Variants in MBTD1 observed in about 807,000 individuals in gnomAD.
MBTD1 encodes the protein MBT domain-containing protein 1.
In MBTD1, 24 loss-of-function variants were observed where a neutral mutation model predicts 87.8. The observed-to-expected ratio is 0.27, with a 90% CI of 0.20 to 0.38. MBTD1 has a LOEUF of 0.38. MBTD1 is among the 10% of genes least tolerant of loss of function. MBTD1 has a pLI of 1.00. For synonymous variants in MBTD1, 237 were observed against 248.6 expected, an observed-to-expected ratio of 0.95 and a Z score of 0.44; for missense variants, 436 against 760.2, an observed-to-expected ratio of 0.57 and a Z score of 5.02.
intron 15 of MBTD1, 199 bp from the exon 16 acceptor site, chr17:51,192,479 TTTA>T (rs2050860101): frequency 1.6e-6 from 1 of 630,264 alleles, no homozygotes; most frequent in South Asian, 2.2e-5. Context: ...CTCAAAAGCA[TTTA>T]TTACCTACCA....
At chr17:51,207,904 C>T (rs2051941177) in intron 6 of MBTD1, among the ~76,000 whole-genome samples, 1 of 152,150 alleles carries the variant, frequency 6.6e-6, no homozygotes, top group Admixed American at 6.6e-5. Flanking sequence ...TTGCTCTGGA[C>T]AGTCAGTTCC....
chr17:51,229,030 A>G (rs1425694584), intron 2 of MBTD1, among the ~76,000 whole-genome samples: 2 of 151,856 alleles, frequency 1.3e-5, no homozygotes, highest in Non-Finnish European at 2.9e-5. Context: ...AAAAAACAAG[A>G]AAAAGAAAAA....
chr17:51,178,570 T>C lies in MBTD1; in HGVS notation c.*2006A>G, dbSNP rs1306820083. 1.3e-5 allele frequency: 2 copies of C among 152,186 alleles called. No individual in the cohort carries two copies. The highest frequency in any genetic ancestry group is 4.8e-5 in the African/African-American group (2 of 41,432). 9.4% of individuals were successfully genotyped at this position (152,186 alleles called of 1,614,324 possible). A position where few individuals can be genotyped will look rare whatever the true frequency, so the allele number is the denominator to read the frequency against. On this transcript the variant is annotated 3_prime_UTR_variant, in exon 17 of 17. Coordinates refer to ENST00000586178, the MANE Select transcript of MBTD1 (RefSeq NM_017643.3). ...GCTTCTTGTGCCTGTGCTGTGGAAT[T>C]AGTCCTGGGTTTAATTCAGTGAGCC...
chr17:51,210,177 T>C (rs1016560295), intron 6 of MBTD1, among the ~76,000 whole-genome samples: 1 of 152,024 alleles, frequency 6.6e-6, no homozygotes, highest in African/African-American at 2.4e-5. Flanking sequence ...AATTTTTGTA[T>C]TTTTAGTTTT....
chr17:51,252,796 G>A (rs2054868472), intron 2 of MBTD1, among the ~76,000 whole-genome samples: 1 of 151,916 alleles, frequency 6.6e-6, no homozygotes, highest in Non-Finnish European at 1.5e-5. Context: ...GATGACTAAG[G>A]TCTTGAATGT....
At chr17:51,247,510 G>C (rs190314919) in intron 2 of MBTD1, among the ~76,000 whole-genome samples, 3 of 147,332 alleles carry the variant, frequency 2.0e-5, no homozygotes, top group Non-Finnish European at 3.0e-5. Flanking sequence ...GCAGCAGCAC[G>C]ATCTTGGCTC....
chr17:51,243,498 A>T (rs1238481408), intron 2 of MBTD1, among the ~76,000 whole-genome samples: 1 of 152,214 alleles, frequency 6.6e-6, no homozygotes, highest in Non-Finnish European at 1.5e-5. Flanking sequence ...TTTCCTTGGA[A>T]TAAAAACATT....
upstream of MBTD1, chr17:51,260,818 G>A (rs1328610820): frequency 3.1e-6 from 5 of 1,592,568 alleles, no homozygotes; most frequent in African/African-American, 2.7e-5. Flanking sequence ...GGAACCGCCT[G>A]AGGCTGGAGG....
At chr17:51,208,371 AAAAT>A (rs1363596919) in intron 6 of MBTD1, among the ~76,000 whole-genome samples, 1 of 152,196 alleles carries the variant, frequency 6.6e-6, no homozygotes, top group East Asian at 1.9e-4. Context: ...ACTTGTGCAA[AAAAT>A]AATATATTCA....
chr17:51,195,598 G>A (rs987592660), intron 12 of MBTD1, among the ~76,000 whole-genome samples: 4 of 152,178 alleles, frequency 2.6e-5, no homozygotes, highest in Admixed American at 1.3e-4. Flanking sequence ...AGAGGTCTGG[G>A]AAAAGCAGTG....
chr17:51,254,059 G>A (rs921855833), intron 2 of MBTD1, among the ~76,000 whole-genome samples: 6 of 152,168 alleles, frequency 3.9e-5, no homozygotes, highest in Admixed American at 6.5e-5. Context: ...CCCACTGGGA[G>A]CAGTGGCTCA....
At chr17:51,259,615 G>A (rs536523062) in intron 1 of MBTD1, among the ~76,000 whole-genome samples, 2 of 150,160 alleles carry the variant, frequency 1.3e-5, no homozygotes, top group Admixed American at 1.3e-4. Context: ...AGGAGATGGA[G>A]AGAACCCCAA....
At chr17:51,205,373 A>C (rs1021720429) in intron 7 of MBTD1, among the ~76,000 whole-genome samples, 13 of 152,228 alleles carry the variant, frequency 8.5e-5, no homozygotes, top group Non-Finnish European at 1.8e-4. Context: ...CGGAGATGGA[A>C]GGCAGAAGTA....
At chr17:51,239,739 A>C (rs138945446) in intron 2 of MBTD1, among the ~76,000 whole-genome samples, 176 of 152,260 alleles carry the variant, frequency 1.2e-3, no homozygotes, top group African/African-American at 3.9e-3. Context: ...GGCATTGCCA[A>C]ATGTCCCCTG....
chr17:51,202,447 G>A (rs1447744692), intron 10 of MBTD1, among the ~76,000 whole-genome samples: 4 of 152,114 alleles, frequency 2.6e-5, no homozygotes, highest in Non-Finnish European at 5.9e-5. Flanking sequence ...CAAATGGGCT[G>A]AATAATAAAA....
Position 51,180,518 on chromosome 17 carries a change from A to T in MBTD1, c.*58T>A. ...AGTAGCCCCCTGTACAGCTGGATTGATTATAAATCAGTCCTGTGTAAAATC... is the reference window on the plus strand; with the variant it reads ...AGTAGCCCCCTGTACAGCTGGATTGTTTATAAATCAGTCCTGTGTAAAATC... On this transcript the variant is annotated 3_prime_UTR_variant, in exon 17 of 17. Coordinates refer to ENST00000586178, the MANE Select transcript of MBTD1 (RefSeq NM_017643.3). 1.3e-6 allele frequency: 1 copy of T among 794,352 alleles called. No individual in the cohort carries two copies. Among genetic ancestry groups the T allele is most frequent in the Non-Finnish European group, 2.0e-6 (1 of 494,646 alleles). 49.2% of individuals were successfully genotyped at this position (794,352 alleles called of 1,614,324 possible).
At position 51,178,372 on chromosome 17, in the gene MBTD1, A is replaced by C. The variant is rs1238404526; in HGVS notation, c.*2204T>G. ...CACTTCATGAATTAGGAAATTCTAA[A>C]ACACTCAGAGCCTGGGTTTGCTATA... On this transcript the variant is annotated 3_prime_UTR_variant, in exon 17 of 17. Transcript: ENST00000586178. The C allele has an allele frequency of 1.3e-5, 2 of 152,238 alleles. No individual in the cohort carries two copies. Among genetic ancestry groups the C allele is most frequent in the Non-Finnish European group, 2.9e-5 (2 of 68,060 alleles). 9.4% of individuals were successfully genotyped at this position (152,238 alleles called of 1,614,324 possible).
chr17:51,233,745 G>T (rs1347641102), intron 2 of MBTD1, among the ~76,000 whole-genome samples: 1 of 151,992 alleles, frequency 6.6e-6, no homozygotes, highest in East Asian at 1.9e-4. Flanking sequence ...CCAGCTTAAT[G>T]ATTTAAAAAA....
At chr17:51,250,372 T>C (rs1041999494) in intron 2 of MBTD1, 1 of 152,216 alleles carries the variant, frequency 6.6e-6, no homozygotes, top group Non-Finnish European at 1.5e-5. Flanking sequence ...TTGTAGGAAA[T>C]GTCCCAAATA....
Sources: allele counts gnomAD v4.1 joint callset (sites outside exome capture counted in the v4.1 genomes callset), GRCh38; gene constraint gnomAD v4.1.1; transcripts MANE v1.5; gene names NCBI Gene and HGNC (gene_info 2026-07-23, HGNC 2026-07-21).